PNKD: variants seen among roughly 807,000 people sequenced by gnomAD.
The protein encoded by PNKD is probable thioesterase PNKD.
PNKD carries 36 observed loss-of-function variants against 45.3 expected under a neutral mutation model. The ratio of observed to expected loss-of-function variants is 0.80; its 90% CI spans 0.61 to 1.05. The LOEUF (loss-of-function observed/expected upper bound fraction) is 1.05. Among genes scored for constraint, PNKD ranks in the 50% least tolerant of loss-of-function variants. The pLI is 0.00. For synonymous variants in PNKD, 197 were observed against 210.1 expected (o/e 0.94, Z 0.54); for missense variants, 511 against 506.6 (o/e 1.01, Z -0.08).
At chr2:218,281,877 G>A (rs959887822) in intron 2 of PNKD, 3 of 1,294,872 alleles carry the variant, frequency 2.3e-6, no homozygotes, top group African/African-American at 3.0e-5. Flanking sequence ...AGGAGGCGGT[G>A]GCCTCATCTG....
intron 2 of PNKD, among the ~76,000 whole-genome samples, chr2:218,273,676 A>G (rs1368878113): frequency 6.6e-6 from 1 of 150,588 alleles, no homozygotes; most frequent in Non-Finnish European, 1.5e-5. Flanking sequence ...CTTTTAGTAG[A>G]GATGGGGTTT....
chr2:218,276,017 G>A (rs778277416), intron 2 of PNKD: 25 of 1,610,336 alleles, frequency 1.6e-5, no homozygotes, highest in African/African-American at 2.7e-5. Flanking sequence ...GAGTGGGGCT[G>A]GGACTTACCA....
At chr2:218,302,916 T>C (rs545317900) in intron 2 of PNKD, among the ~76,000 whole-genome samples, 44 of 151,948 alleles carry the variant, frequency 2.9e-4, no homozygotes, top group Non-Finnish European at 6.0e-4. Flanking sequence ...CCTAAAGGCC[T>C]GGAGGTTTTT....
chr2:218,272,619 G>C, intron 2 of PNKD: 3 of 1,614,170 alleles, frequency 1.9e-6, no homozygotes, highest in Non-Finnish European at 2.5e-6. Flanking sequence ...CACCAAGCGG[G>C]AAGTGGACAA....
At chr2:218,320,687 A>G (rs550311593) in intron 2 of PNKD, among the ~76,000 whole-genome samples, 38 of 152,244 alleles carry the variant, frequency 2.5e-4, no homozygotes, top group Non-Finnish European at 2.9e-4. Context: ...ATCACACCCA[A>G]TTTGAGTCTT....
intron 2 of PNKD, among the ~76,000 whole-genome samples, chr2:218,325,889 G>T (rs1694139061): frequency 6.6e-6 from 1 of 152,180 alleles, no homozygotes; most frequent in Non-Finnish European, 1.5e-5. Flanking sequence ...AGAGAGAAGG[G>T]TGCGCCTGGA....
intron 2 of PNKD, among the ~76,000 whole-genome samples, chr2:218,325,454 C>T (rs796481291): frequency 1.2e-4 from 19 of 152,170 alleles, no homozygotes; most frequent in Admixed American, 7.2e-4. Context: ...GATCTGCCCA[C>T]CTTGGCCTCC....
intron 2 of PNKD, among the ~76,000 whole-genome samples, chr2:218,322,791 T>G (rs893500862): frequency 1.3e-5 from 2 of 152,254 alleles, no homozygotes; most frequent in East Asian, 1.9e-4. Flanking sequence ...CCTTGCATCC[T>G]CCTCAGAGCC....
At chr2:218,327,540 C>G (rs1367894398) in intron 2 of PNKD, among the ~76,000 whole-genome samples, 1 of 152,110 alleles carries the variant, frequency 6.6e-6, no homozygotes, top group Non-Finnish European at 1.5e-5. Flanking sequence ...CTCTGCTCTC[C>G]CCACTGACAC....
rs529798579 is a variant in PNKD, at chr2:218,322,763, A to G, written c.237-17020A>G. On this transcript the variant is annotated intron_variant, in intron 2 of 9. Coordinates refer to ENST00000273077, the MANE Select transcript of PNKD (RefSeq NM_015488.5). ...TCCGGACTGTGGGCTCCAGGAATGC[A>G]GACAGTGTGCCTTTGACCCTTGCAT... 1.2e-4 allele frequency among the ~76,000 whole-genome samples: 18 copies of G among 152,338 alleles called. No individual in the cohort carries two copies. The South Asian group carries it at 3.7e-3, about 32-fold the overall frequency.
chr2:218,287,492 G>A (rs963862082), intron 2 of PNKD, among the ~76,000 whole-genome samples: 4 of 152,074 alleles, frequency 2.6e-5, no homozygotes, highest in African/African-American at 7.3e-5. Context: ...GGTGGATCAC[G>A]AGGTCAGGAG....
At chr2:218,344,710 C>A in intron 9 of PNKD, 98 bp from the exon 10 acceptor site, 1 of 1,441,654 alleles carries the variant, frequency 6.9e-7, no homozygotes. Flanking sequence ...AGTCAGAACT[C>A]CTGAACTCCA....
intron 2 of PNKD, 144 bp from the exon 3 acceptor site, chr2:218,339,639 T>C (rs937848158): frequency 1.4e-6 from 1 of 698,540 alleles, no homozygotes; most frequent in African/African-American, 1.8e-5. Context: ...GGGCAAACAG[T>C]AGGCACATAA....
intron 2 of PNKD, among the ~76,000 whole-genome samples, chr2:218,295,157 G>A (rs1442055751): frequency 6.6e-6 from 1 of 152,178 alleles, no homozygotes; most frequent in African/African-American, 2.4e-5. Flanking sequence ...TGAAGCGCCT[G>A]GCCCAGAGCA....
At chr2:218,321,623 C>CTTTTTT (rs35315674) in intron 2 of PNKD, among the ~76,000 whole-genome samples, 1 of 93,846 alleles carries the variant, frequency 1.1e-5, no homozygotes, top group African/African-American at 4.3e-5. Flanking sequence ...GTGAGCTTGA[C>CTTTTTT]TTTTTTTTTT....
In PNKD at chr2:218,344,583, G is replaced by A. The variant is rs1266155011; in HGVS notation, c.984+13G>A. ...GCGCAAGGGCACGGTGAGGGACTCG[G>A]GGTCCAGGAGGAGCTGTGTGGGCAG... On this transcript the variant is annotated intron_variant, in intron 9 of 9. Coordinates refer to ENST00000273077, the MANE Select transcript of PNKD (RefSeq NM_015488.5). 6.3e-7 allele frequency: 1 copy of A among 1,583,562 alleles called. No individual in the cohort carries two copies. Among genetic ancestry groups the A allele is most frequent in the Non-Finnish European group, 8.6e-7 (1 of 1,160,790 alleles).
intron 2 of PNKD, among the ~76,000 whole-genome samples, chr2:218,298,708 C>T (rs1336746041): frequency 6.6e-6 from 1 of 152,232 alleles, no homozygotes; most frequent in South Asian, 2.1e-4. Context: ...TCCAGCTGTG[C>T]CCTTACACCC....
At chr2:218,328,621 A>G (rs759424084) in intron 2 of PNKD, among the ~76,000 whole-genome samples, 3 of 152,214 alleles carry the variant, frequency 2.0e-5, no homozygotes, top group Non-Finnish European at 4.4e-5. Flanking sequence ...TTTCACACAC[A>G]TAGGTAAGAT....
chr2:218,341,826 G>T (rs1161323820), intron 6 of PNKD, 155 bp from the exon 7 acceptor site: 16 of 772,746 alleles, frequency 2.1e-5, no homozygotes, highest in Non-Finnish European at 3.4e-5. Flanking sequence ...GAAAGGGGGA[G>T]GGTTCGGACC....
Sources: gnomAD v4.1 joint callset for allele counts (sites outside exome capture counted in the v4.1 genomes callset) on GRCh38, gnomAD v4.1.1 for gene constraint, MANE v1.5 for transcripts, NCBI Gene and HGNC (gene_info 2026-07-23, HGNC 2026-07-21) for gene names.